IQCM: variants seen among roughly 807,000 people sequenced by gnomAD.
The protein encoded by IQCM is IQ domain-containing protein M.
In IQCM, 45 loss-of-function variants were observed where a neutral mutation model predicts 57.6. The ratio of observed to expected loss-of-function variants is 0.78; its 90% CI spans 0.62 to 1.00. The LOEUF is 1.00. Ranked by LOEUF, IQCM falls within the 50% of genes least tolerant of loss-of-function variation. The pLI is 0.00. For missense variants in IQCM, 468 were observed against 511.6 expected (o/e 0.91, Z 0.82); for synonymous variants, 148 against 158.9 (o/e 0.93, Z 0.51).
At chr4:149,765,099 A>T (rs563871689) in intron 2 of IQCM, among the ~76,000 whole-genome samples, 1 of 152,246 alleles carries the variant, frequency 6.6e-6, no homozygotes, top group Admixed American at 6.5e-5. Context: ...AATTACCAAA[A>T]AAAATTTCTT....
In IQCM at chr4:149,563,706, T is replaced by C; in HGVS notation, c.934A>G (p.Arg312Gly). 8.1e-7 allele frequency: 1 copy of C among 1,231,996 alleles called. No individual in the cohort carries two copies. The highest frequency in any genetic ancestry group is 3.1e-4 in the Middle Eastern group (1 of 3,208). 76.3% of individuals were successfully genotyped at this position (1,231,996 alleles called of 1,614,324 possible). The part of the protein sequence containing the change: ...RGWLERKRLQ[R>G]VMTKALDHGP... ...GGATATCTTACCTTGGTCATTACTC[T>C]TTGCAATCTTTTCCGTTCAAGCCAT... is the stretch of plus-strand genomic sequence containing the variant. The change falls in exon 10 of 14, where the codon AGA becomes GGA. Residue 312 changes from arginine (R) to glycine (G), a missense_variant. By Grantham distance (125) the Arg-to-Gly change is moderately radical. Coordinates refer to ENST00000636793, the MANE Select transcript of IQCM (RefSeq NM_001363507.2).
chr4:149,359,059 G>A (rs1437117815), intron 13 of IQCM, among the ~76,000 whole-genome samples: 2 of 151,962 alleles, frequency 1.3e-5, no homozygotes, highest in African/African-American at 4.8e-5. Flanking sequence ...CCATAAGCTG[G>A]GTAGAGAGAT....
chr4:149,428,378 C>A (rs886644517), intron 13 of IQCM, among the ~76,000 whole-genome samples: 2 of 151,632 alleles, frequency 1.3e-5, no homozygotes, highest in African/African-American at 4.8e-5. Context: ...ATGTTGTATT[C>A]TGAGCTTCAT....
intron 5 of IQCM, among the ~76,000 whole-genome samples, chr4:149,728,122 G>A (rs1258006865): frequency 6.6e-6 from 1 of 152,194 alleles, no homozygotes; most frequent in Non-Finnish European, 1.5e-5. Flanking sequence ...CTCCTCTCCA[G>A]CTGATTCTCA....
intron 5 of IQCM, among the ~76,000 whole-genome samples, chr4:149,699,136 A>G (rs908706992): frequency 6.6e-6 from 1 of 152,110 alleles, no homozygotes; most frequent in Non-Finnish European, 1.5e-5. Context: ...TATCTCAAAT[A>G]TGTAAACTTT....
At chr4:149,445,503 A>C (rs544110792) in intron 12 of IQCM, among the ~76,000 whole-genome samples, 2 of 151,970 alleles carry the variant, frequency 1.3e-5, no homozygotes, top group East Asian at 3.9e-4. Context: ...TAAAAATATG[A>C]TCCTAATAAA....
chr4:149,457,634 G>A (rs955006755), intron 12 of IQCM, among the ~76,000 whole-genome samples: 11 of 151,872 alleles, frequency 7.2e-5, no homozygotes, highest in African/African-American at 2.7e-4. Flanking sequence ...GTTAGCTGAA[G>A]GATAAAATGA....
At chr4:149,549,374 C>T (rs1344634055) in intron 11 of IQCM, among the ~76,000 whole-genome samples, 1 of 151,916 alleles carries the variant, frequency 6.6e-6, no homozygotes, top group African/African-American at 2.4e-5. Flanking sequence ...AAAAATTAGC[C>T]GGGCGTAGTG....
intron 7 of IQCM, among the ~76,000 whole-genome samples, chr4:149,657,756 T>A (rs1446295017): frequency 2.0e-5 from 3 of 152,112 alleles, no homozygotes; most frequent in African/African-American, 7.2e-5. Context: ...TCTTGACGAT[T>A]AGTCACGAGC....
intron 13 of IQCM, among the ~76,000 whole-genome samples, chr4:149,418,521 G>A (rs2111205831): frequency 6.6e-6 from 1 of 152,212 alleles, no homozygotes; most frequent in Admixed American, 6.6e-5. Flanking sequence ...ACCAAGAGGA[G>A]CTGATACCCT....
chr4:149,463,796 A>C (rs78418856), intron 12 of IQCM, among the ~76,000 whole-genome samples: 1 of 152,334 alleles, frequency 6.6e-6, no homozygotes, highest in Non-Finnish European at 1.5e-5. Context: ...ATAGCTGAGA[A>C]TCAAAATTAA....
At chr4:149,632,616 G>A (rs1056342110) in intron 7 of IQCM, among the ~76,000 whole-genome samples, 5 of 152,072 alleles carry the variant, frequency 3.3e-5, no homozygotes, top group African/African-American at 1.2e-4. Context: ...AAAACAAAGG[G>A]ATGATTACAG....
chr4:149,378,448 T>G (rs1415551881), intron 13 of IQCM, among the ~76,000 whole-genome samples: 3 of 152,160 alleles, frequency 2.0e-5, no homozygotes, highest in Non-Finnish European at 4.4e-5. Flanking sequence ...GCTGAGATGC[T>G]GAGATGGTCT....
chr4:149,779,460 C>A (rs1360866380), intron 2 of IQCM, among the ~76,000 whole-genome samples: 1 of 152,110 alleles, frequency 6.6e-6, no homozygotes, highest in Non-Finnish European at 1.5e-5. Flanking sequence ...ATTGTCAAAA[C>A]ACCAATATGC....
chr4:149,770,496 A>C (rs1770471678), intron 2 of IQCM, among the ~76,000 whole-genome samples: 1 of 151,938 alleles, frequency 6.6e-6, no homozygotes, highest in Admixed American at 6.6e-5. Context: ...ATAAAACAAA[A>C]CCTATGGACG....
At chr4:149,456,635 TA>T (rs1294196571) in intron 12 of IQCM, among the ~76,000 whole-genome samples, 4 of 152,058 alleles carry the variant, frequency 2.6e-5, no homozygotes, top group Non-Finnish European at 5.9e-5. Flanking sequence ...AAAAAGTTTT[TA>T]ATTTGGGAGC....
intron 13 of IQCM, among the ~76,000 whole-genome samples, chr4:149,412,050 C>T (rs1036364396): frequency 2.3e-4 from 33 of 145,230 alleles, no homozygotes; most frequent in African/African-American, 5.9e-4. Context: ...AAACATGTAA[C>T]ATTTAGTGTG....
At chr4:149,633,250 C>A (rs2150098894) in intron 7 of IQCM, among the ~76,000 whole-genome samples, 1 of 149,456 alleles carries the variant, frequency 6.7e-6, no homozygotes, top group African/African-American at 2.5e-5. Context: ...AAGGCGAAGA[C>A]TTTCTATTAT....
intron 2 of IQCM, among the ~76,000 whole-genome samples, chr4:149,744,830 A>G (rs968066101): frequency 1.3e-5 from 2 of 152,004 alleles, no homozygotes; most frequent in Admixed American, 6.6e-5. Context: ...TTTATTTCAG[A>G]AAAAAAAGCC....
Sources: allele counts gnomAD v4.1 joint callset (sites outside exome capture counted in the v4.1 genomes callset), GRCh38; gene constraint gnomAD v4.1.1; transcripts MANE v1.5; gene names NCBI Gene and HGNC (gene_info 2026-07-23, HGNC 2026-07-21).